The following TUFT1 variants were observed in gnomAD, a reference collection of about 807,000 sequenced individuals.
The protein encoded by TUFT1 is tuftelin.
In TUFT1, 43 loss-of-function variants were observed where a neutral mutation model predicts 57.8. That is an observed-to-expected ratio of 0.74 (90% confidence interval 0.58 to 0.96). TUFT1 has a LOEUF of 0.96. Ranked by LOEUF, TUFT1 falls within the 40% of genes least tolerant of loss-of-function variation. The pLI is 0.00. For missense variants in TUFT1, 459 were observed against 489.0 expected (o/e 0.94, Z 0.58); for synonymous variants, 166 against 176.7 (o/e 0.94, Z 0.48).
intron 9 of TUFT1, among the ~76,000 whole-genome samples, chr1:151,576,027 C>T (rs1180431876): frequency 1.3e-5 from 2 of 152,186 alleles, no homozygotes; most frequent in Non-Finnish European, 2.9e-5. Context: ...ACCAAAAGGA[C>T]TAGATAATCG....
In TUFT1 at chr1:151,569,671, A is replaced by G; in HGVS notation, c.495A>G (p.Ile165Met). 6.2e-7 allele frequency: 1 copy of G among 1,613,814 alleles called. No homozygotes were observed. Among genetic ancestry groups the G allele is most frequent in the East Asian group, 2.2e-5 (1 of 44,868 alleles). The change falls in exon 7 of 13, where the codon ATA (isoleucine) becomes ATG (methionine). Residue 165 changes from isoleucine to methionine, a missense_variant. Ile to Met is a conservative substitution (Grantham distance 10). Transcript: ENST00000368849. ...TCTGGCTGTAGGTGGACACCTGTAT[A>G]AATGAGGATGTTGAGAGCTTGAGGA... ...YSSPPEVDTC[I>M]NEDVESLRKT...
intron 7 of TUFT1, among the ~76,000 whole-genome samples, chr1:151,570,089 T>C (rs1182406432): frequency 6.6e-6 from 1 of 152,156 alleles, no homozygotes; most frequent in Non-Finnish European, 1.5e-5. Context: ...CCTGGGCTCT[T>C]GAGACTCCGT....
In TUFT1 at chr1:151,582,290, C is replaced by A; in HGVS notation, c.*583C>A. On this transcript the variant is annotated 3_prime_UTR_variant, in exon 13 of 13. Coordinates refer to ENST00000368849, the MANE Select transcript of TUFT1 (RefSeq NM_020127.3). ...GAGAGCCAGTGAACCTAAGCTTTGA[C>A]TGGGTGGCCTTGTCTTTCTGGGGAG... is the stretch of plus-strand genomic sequence containing the variant. The A allele has an allele frequency of 2.2e-6, 1 of 445,912 alleles. No individual in the cohort carries two copies. The highest frequency in any genetic ancestry group is 4.5e-6 in the Non-Finnish European group (1 of 221,528). The allele number at this position is 445,912 out of a possible 1,614,324, so 27.6% of individuals were successfully genotyped here.
chr1:151,564,834 A>G (rs1025961515), intron 5 of TUFT1: 3 of 433,930 alleles, frequency 6.9e-6, no homozygotes, highest in African/African-American at 2.0e-5. Flanking sequence ...ACATAAGTAC[A>G]CCTGCTCCTG....
chr1:151,568,440 T>G (rs1666147925), intron 6 of TUFT1, among the ~76,000 whole-genome samples: 1 of 152,270 alleles, frequency 6.6e-6, no homozygotes, highest in East Asian at 1.9e-4. Context: ...TTCTGCCTCC[T>G]ACATGTACTT....
intron 1 of TUFT1, chr1:151,561,759 CCT>C (rs1665902329): frequency 7.5e-7 from 1 of 1,331,364 alleles, no homozygotes; most frequent in Non-Finnish European, 9.8e-7. Context: ...CCAGGAATGA[CCT>C]CTCTACAACT....
At chr1:151,565,936 G>T (rs11204849) in intron 5 of TUFT1, 3 of 435,160 alleles carry the variant, frequency 6.9e-6, no homozygotes, top group Non-Finnish European at 1.3e-5. Context: ...CTCATGGAAC[G>T]CTAGAAATCT....
chr1:151,552,205 A>G (rs1353998123), intron 1 of TUFT1, among the ~76,000 whole-genome samples: 1 of 152,230 alleles, frequency 6.6e-6, no homozygotes, highest in Non-Finnish European at 1.5e-5. Context: ...ATTGTTGTAC[A>G]AAGTTCCATT....
At chr1:151,578,855 T>A (rs1183578906) in intron 10 of TUFT1, 29 bp downstream of exon 10, 9 of 1,513,852 alleles carry the variant, frequency 5.9e-6, no homozygotes, top group Non-Finnish European at 2.7e-6. Flanking sequence ...TAACCTGCCC[T>A]CGGGGAGTCA....
chr1:151,564,131 G>A (rs1665989088), intron 4 of TUFT1, 141 bp downstream of exon 4: 3 of 657,218 alleles, frequency 4.6e-6, no homozygotes, highest in South Asian at 2.0e-5. Flanking sequence ...GCCCTCCCGT[G>A]TGTCAAATAT....
chr1:151,549,309 C>T (rs1005201563), intron 1 of TUFT1, among the ~76,000 whole-genome samples: 35 of 152,136 alleles, frequency 2.3e-4, no homozygotes, highest in African/African-American at 8.2e-4. Context: ...CTAAGTGCAC[C>T]AGGCAGAGAG....
chr1:151,561,473 G>GCACA lies in TUFT1; in HGVS notation c.61-588_61-585dup, dbSNP rs1214979013. On this transcript the variant is annotated intron_variant, in intron 1 of 12. Transcript: ENST00000368849. ...AGGCTGCAGTCATGCGCGCGCGCGCGCACACACACACACACACACACACAC... is the reference window on the plus strand; with the variant it reads ...AGGCTGCAGTCATGCGCGCGCGCGCGCACACACACACACACACACACACACACAC... The GCACA allele has an allele frequency of 6.1e-4, 207 of 336,710 alleles. 1 individual carries two copies. Among genetic ancestry groups the GCACA allele is most frequent in the African/African-American group, 1.7e-3 (67 of 39,758 alleles). The allele number at this position is 336,710 out of a possible 1,614,324, so 20.9% of individuals were successfully genotyped here. A position where few individuals can be genotyped will look rare whatever the true frequency, so the allele number is the denominator to read the frequency against.
At chr1:151,579,508 AAGG>A in intron 10 of TUFT1, 138 bp from the exon 11 acceptor site, 1 of 718,838 alleles carries the variant, frequency 1.4e-6, no homozygotes. Flanking sequence ...TATTGACTGA[AAGG>A]AGGCCTTTGT....
chr1:151,569,680 T>A lies in TUFT1; in HGVS notation c.504T>A (p.Asp168Glu). The A allele has an allele frequency of 6.2e-7, 1 of 1,613,822 alleles. No individual in the cohort carries two copies. The highest frequency in any genetic ancestry group is 8.5e-7 in the Non-Finnish European group (1 of 1,179,834). ...AGGTGGACACCTGTATAAATGAGGA[T>A]GTTGAGAGCTTGAGGAAGACGGTGC... ...PPEVDTCINE[D>E]VESLRKTVQD... The change falls in exon 7 of 13, where the codon GAT becomes GAA. Residue 168 changes from aspartate (D) to glutamate (E), a missense_variant. Physicochemically the swap from Asp to Glu is conservative, Grantham distance 45. Transcript: ENST00000368849.
At chr1:151,575,985 G>A (rs367900756) in intron 9 of TUFT1, among the ~76,000 whole-genome samples, 4 of 152,222 alleles carry the variant, frequency 2.6e-5, no homozygotes, top group South Asian at 4.2e-4. Context: ...TCCTTCCTCG[G>A]TGGGTAGGTG....
At chr1:151,567,163 G>A (rs1318325795) in intron 6 of TUFT1, among the ~76,000 whole-genome samples, 3 of 152,124 alleles carry the variant, frequency 2.0e-5, no homozygotes, top group African/African-American at 7.2e-5. Flanking sequence ...GCCTCCCAGA[G>A]TGCTGGGATT....
chr1:151,549,900 T>C lies in TUFT1; in HGVS notation c.60+9474T>C, dbSNP rs141001047. Among the ~76,000 whole-genome samples the C allele has an allele frequency of 9.6e-3, 1,467 of 152,282 alleles. 32 individuals are homozygous for C. The highest frequency in any genetic ancestry group is 0.034 in the African/African-American group (1,415 of 41,550). On this transcript the variant is annotated intron_variant, in intron 1 of 12. Transcript: ENST00000368849. Reference sequence around the variant, plus strand: ...CCACACCAGGCTAATTTTTGTACTTTTTGTAGAGACAGGGTCTCATTATGT... The same window carrying C: ...CCACACCAGGCTAATTTTTGTACTTCTTGTAGAGACAGGGTCTCATTATGT...
chr1:151,552,155 G>C (rs1460566560), intron 1 of TUFT1, among the ~76,000 whole-genome samples: 1 of 152,172 alleles, frequency 6.6e-6, no homozygotes, highest in Non-Finnish European at 1.5e-5. Flanking sequence ...ATCTTTGTGA[G>C]ATTTACTGAT....
At chr1:151,557,726 C>A in intron 1 of TUFT1, 1 of 790,592 alleles carries the variant, frequency 1.3e-6, no homozygotes, top group Non-Finnish European at 2.3e-6. Context: ...CCACTCTATG[C>A]TGCAGCCGTC....
Sources: allele counts gnomAD v4.1 joint callset (sites outside exome capture counted in the v4.1 genomes callset), GRCh38; gene constraint gnomAD v4.1.1; transcripts MANE v1.5; gene names NCBI Gene and HGNC (gene_info 2026-07-23, HGNC 2026-07-21).